Variants in METAP1D observed in about 807,000 individuals in gnomAD.
METAP1D encodes the protein methionine aminopeptidase 1D, mitochondrial.
METAP1D carries 31 observed loss-of-function variants against 40.5 expected under a neutral mutation model. That is an observed-to-expected ratio of 0.77 (90% CI 0.58 to 1.03). The LOEUF is 1.03. METAP1D is among the 50% of genes least tolerant of loss of function. The probability of loss-of-function intolerance (pLI) is 0.00; values close to 1 mark genes in which losing one functional copy is unlikely to be tolerated. For missense variants in METAP1D, 411 were observed against 420.7 expected (o/e 0.98, Z 0.20); for synonymous variants, 151 against 146.4 (o/e 1.03, Z -0.22).
chr2:172,028,542 CTGTGTGTGTGTGTG>C (rs10529698), intron 1 of METAP1D, among the ~76,000 whole-genome samples: 32,060 of 141,318 alleles, frequency 0.23, 3,666 homozygotes, highest in Middle Eastern at 0.36. Context: ...GTATGTGTGT[CTGTGTGTGTGTGTG>C]TGTGTGTGTG....
At chr2:172,017,931 A>G (rs1040336893) in intron 1 of METAP1D, among the ~76,000 whole-genome samples, 1 of 152,030 alleles carries the variant, frequency 6.6e-6, no homozygotes, top group African/African-American at 2.4e-5. Context: ...GTTTGAGACC[A>G]ACCTGACCAA....
intron 1 of METAP1D, among the ~76,000 whole-genome samples, chr2:172,051,478 T>A (rs879919530): frequency 5.9e-5 from 9 of 152,186 alleles, no homozygotes; most frequent in African/African-American, 9.6e-5. Context: ...ATGAAGTGTT[T>A]TCGTAAAACA....
chr2:172,048,449 A>G (rs181673508), intron 1 of METAP1D, among the ~76,000 whole-genome samples: 3 of 152,348 alleles, frequency 2.0e-5, no homozygotes, highest in East Asian at 3.8e-4. Flanking sequence ...CACATTAACA[A>G]ATGAAGAAAC....
intron 1 of METAP1D, among the ~76,000 whole-genome samples, chr2:172,035,490 A>G (rs1689356907): frequency 6.6e-6 from 1 of 152,028 alleles, no homozygotes; most frequent in South Asian, 2.1e-4. Flanking sequence ...AAGAAAAATC[A>G]GAATATCACC....
Position 172,031,265 on chromosome 2 carries a change from A to G in METAP1D, c.41-30233A>G, listed in dbSNP as rs575986469. On this transcript the variant is annotated intron_variant, in intron 1 of 9. Coordinates refer to ENST00000315796, the MANE Select transcript of METAP1D (RefSeq NM_199227.3). ...GGAGTTATCACTCTGGGTTTTGCCAAGATTGCTTTAGAAGGAATGAGTTGG... is the reference window on the plus strand; with the variant it reads ...GGAGTTATCACTCTGGGTTTTGCCAGGATTGCTTTAGAAGGAATGAGTTGG... Among the ~76,000 whole-genome samples the G allele has an allele frequency of 3.9e-5, 6 of 152,284 alleles. No individual in the cohort carries two copies. In the East Asian group the frequency reaches 1.2e-3, roughly 29 times the overall value.
intron 7 of METAP1D, 23 bp downstream of exon 7, chr2:172,077,917 T>C (rs767914831): frequency 7.3e-7 from 1 of 1,361,066 alleles, no homozygotes. Context: ...ATTTGGAGGC[T>C]GTTTCTTGAT....
Position 172,000,021 on chromosome 2 carries a change from G to T in METAP1D, c.40+12G>T, listed in dbSNP as rs375297162. 2.2e-4 allele frequency: 291 copies of T among 1,329,670 alleles called. No individual in the cohort carries two copies. In the African/African-American group the frequency reaches 4.2e-3, roughly 19 times the overall value. The allele number at this position is 1,329,670 out of a possible 1,614,324, so 82.4% of individuals were successfully genotyped here. A position where few individuals can be genotyped will look rare whatever the true frequency, so the allele number is the denominator to read the frequency against. ...GCTCGTCCGCAGAGGTAAGCGCGTG[G>T]AGGAGAGCCCCGTGAGGGTTCGCAC... is the stretch of plus-strand genomic sequence containing the variant. On this transcript the variant is annotated intron_variant, in intron 1 of 9. Coordinates refer to ENST00000315796, the MANE Select transcript of METAP1D (RefSeq NM_199227.3).
At chr2:172,075,922 C>G (rs111405792) in intron 6 of METAP1D, among the ~76,000 whole-genome samples, 349 of 152,318 alleles carry the variant, frequency 2.3e-3, no homozygotes, top group African/African-American at 5.5e-3. Context: ...TTCTATGATA[C>G]TCCTGGAGCC....
intron 1 of METAP1D, among the ~76,000 whole-genome samples, chr2:172,000,803 T>A (rs1255607248): frequency 6.6e-6 from 1 of 152,188 alleles, no homozygotes; most frequent in Non-Finnish European, 1.5e-5. Flanking sequence ...GCTTGCTTCC[T>A]TTTAAAACTC....
intron 1 of METAP1D, among the ~76,000 whole-genome samples, chr2:172,016,094 CAAA>C (rs769072690): frequency 9.6e-6 from 1 of 104,612 alleles, no homozygotes; most frequent in Non-Finnish European, 1.9e-5. Context: ...CCGTCTCTAT[CAAA>C]AAAAAAAAAA....
chr2:172,038,913 T>C (rs1466103824), intron 1 of METAP1D, among the ~76,000 whole-genome samples: 1 of 152,194 alleles, frequency 6.6e-6, no homozygotes, highest in Non-Finnish European at 1.5e-5. Context: ...AGATTACTCA[T>C]TAAAGTCAGC....
Position 172,043,603 on chromosome 2 carries a change from T to C in METAP1D, c.41-17895T>C, listed in dbSNP as rs1016544464. 5.9e-5 allele frequency among the ~76,000 whole-genome samples: 8 copies of C among 134,928 alleles called. 1 individual carries two copies. Among genetic ancestry groups the C allele is most frequent in the Admixed American group, 2.2e-4 (3 of 13,596 alleles). The allele number at this position is 134,928 out of a possible 152,430, so 88.5% of individuals were successfully genotyped here. A position where few individuals can be genotyped will look rare whatever the true frequency, so the allele number is the denominator to read the frequency against. On this transcript the variant is annotated intron_variant, in intron 1 of 9. Transcript: ENST00000315796. ...TAATGTTTTACAAAAATTATTTTAT[T>C]TATATTTAATAGCATTATATTCCAT...
intron 1 of METAP1D, among the ~76,000 whole-genome samples, chr2:172,054,740 C>T (rs992827969): frequency 1.3e-5 from 2 of 152,118 alleles, no homozygotes; most frequent in African/African-American, 4.8e-5. Flanking sequence ...ATCCAGAGGA[C>T]ATAGAGCAAT....
chr2:172,042,242 T>C lies in METAP1D; in HGVS notation c.41-19256T>C, dbSNP rs1229735724. 4.6e-3 allele frequency among the ~76,000 whole-genome samples: 57 copies of C among 12,412 alleles called. 9 individuals carry two copies. The highest frequency in any genetic ancestry group is 6.7e-3 in the African/African-American group (54 of 8,046). The allele number at this position is 12,412 out of a possible 152,430, so 8.1% of individuals were successfully genotyped here. A position where few individuals can be genotyped will look rare whatever the true frequency, so the allele number is the denominator to read the frequency against. ...ACATGTGTACACATATACATATGTATGTGTACATGTGTACACATATACATA... is the reference window on the plus strand; with the variant it reads ...ACATGTGTACACATATACATATGTACGTGTACATGTGTACACATATACATA... On this transcript the variant is annotated intron_variant, in intron 1 of 9. Transcript: ENST00000315796.
rs1458012175 is a variant in METAP1D, at chr2:172,065,596, C to T, written c.349-8C>T. 7.4e-6 allele frequency: 12 copies of T among 1,611,252 alleles called. No individual in the cohort carries two copies. The highest frequency in any genetic ancestry group is 1.0e-5 in the Non-Finnish European group (12 of 1,179,052). Reference sequence around the variant, plus strand: ...GTTGCTGCACAATTTCTTTATTTAACATTTTAGGTTGACATGACAACTGAA... The same window carrying T: ...GTTGCTGCACAATTTCTTTATTTAATATTTTAGGTTGACATGACAACTGAA... On this transcript the variant is annotated splice_polypyrimidine_tract_variant and splice_region_variant and intron_variant, in intron 3 of 9. Transcript: ENST00000315796.
At position 172,043,315 on chromosome 2, in the gene METAP1D, T is replaced by C. The variant is rs982407528; in HGVS notation, c.41-18183T>C. Among the ~76,000 whole-genome samples, 18 of 132,338 alleles carry C rather than the reference T, an allele frequency of 1.4e-4. 3 individuals are homozygous for C. The highest frequency in any genetic ancestry group is 3.2e-4 in the Non-Finnish European group (18 of 57,100). The allele number at this position is 132,338 out of a possible 152,430, so 86.8% of individuals were successfully genotyped here. A position where few individuals can be genotyped will look rare whatever the true frequency, so the allele number is the denominator to read the frequency against. On this transcript the variant is annotated intron_variant, in intron 1 of 9. Transcript: ENST00000315796. ...TCACTTGGTTTGCACTTCCAACACC[T>C]GTTAGTTTATCCAGTCAGGCACTCC...
intron 1 of METAP1D, among the ~76,000 whole-genome samples, chr2:172,005,142 T>C (rs1322802070): frequency 1.3e-5 from 2 of 152,064 alleles, no homozygotes; most frequent in African/African-American, 4.8e-5. Context: ...GAAACAGTTT[T>C]CTTTCTTTCT....
At chr2:172,016,385 A>G (rs1160884249) in intron 1 of METAP1D, among the ~76,000 whole-genome samples, 1 of 142,746 alleles carries the variant, frequency 7.0e-6, no homozygotes, top group African/African-American at 2.6e-5. Context: ...TGGAAGGCCA[A>G]GGCAGGTGGA....
chr2:172,050,675 G>A (rs1689867163), intron 1 of METAP1D, among the ~76,000 whole-genome samples: 7 of 152,146 alleles, frequency 4.6e-5, no homozygotes, highest in Admixed American at 4.6e-4. Context: ...CATTCCCTGG[G>A]TAGCAGGACT....
Sources: allele counts gnomAD v4.1 joint callset (sites outside exome capture counted in the v4.1 genomes callset), GRCh38; gene constraint gnomAD v4.1.1; transcripts MANE v1.5; gene names NCBI Gene and HGNC (gene_info 2026-07-23, HGNC 2026-07-21).